PBX1: variants seen among roughly 807,000 people sequenced by gnomAD.
PBX1 encodes the protein PBX homeobox 1.
Under a neutral mutation model 53.4 loss-of-function variants are expected in PBX1, and 6 were observed. The observed-to-expected ratio is 0.11, with a 90% CI of 0.06 to 0.22. The LOEUF is 0.22. Among genes scored for constraint, PBX1 ranks in the 10% least tolerant of loss-of-function variants. The pLI, the probability that PBX1 is intolerant of heterozygous loss-of-function variation, is 1.00. For missense variants in PBX1, 251 were observed against 551.4 expected, an observed-to-expected ratio of 0.46 and a Z score of 5.46; for synonymous variants, 204 against 212.3, an observed-to-expected ratio of 0.96 and a Z score of 0.34.
rs74747780 is a variant in PBX1, at chr1:164,786,681, CTGTGTGTGTGTG to C, written c.266-5784_266-5773del. Reference sequence around the variant, plus strand: ...GGTGTGCCTTGGGCATCAGAAGAGACTGTGTGTGTGTGTGTGTGTGTGTGTGTGTGTGTGTGT... The same window carrying C: ...GGTGTGCCTTGGGCATCAGAAGAGACTGTGTGTGTGTGTGTGTGTGTGTGT... On this transcript the variant is annotated intron_variant, in intron 2 of 8. Coordinates refer to ENST00000420696, the MANE Select transcript of PBX1 (RefSeq NM_002585.4). Among the ~76,000 whole-genome samples, 856 of 140,586 alleles carry C rather than the reference CTGTGTGTGTGTG, an allele frequency of 6.1e-3. 5 individuals are homozygous for C. Among genetic ancestry groups the C allele is most frequent in the African/African-American group, 0.012 (465 of 37,690 alleles). The allele number at this position is 140,586 out of a possible 152,430, so 92.2% of individuals were successfully genotyped here.
At chr1:164,735,650 A>C (rs1434837773) in intron 2 of PBX1, among the ~76,000 whole-genome samples, 1 of 152,202 alleles carries the variant, frequency 6.6e-6, no homozygotes, top group Non-Finnish European at 1.5e-5. Flanking sequence ...ACTGATGACT[A>C]GAGAGACCCA....
At position 164,800,821 on chromosome 1, in the gene PBX1, C is replaced by T. The variant is rs566089094; in HGVS notation, c.701+932C>T. Among the ~76,000 whole-genome samples the T allele has an allele frequency of 8.5e-5, 13 of 152,072 alleles. No individual in the cohort carries two copies. In the South Asian group the frequency reaches 2.3e-3, roughly 27 times the overall value. The stretch of plus-strand genomic sequence containing the variant: ...CATATTTAAATTCTTGATAATAATC[C>T]CAATCTGTTATTTTTATCATTGGGA... On this transcript the variant is annotated intron_variant, in intron 4 of 8. Coordinates refer to ENST00000420696, the MANE Select transcript of PBX1 (RefSeq NM_002585.4).
Position 164,720,168 on chromosome 1 carries a change from G to T in PBX1, c.266-72326G>T, listed in dbSNP as rs1005152481. ...ACAGGTCCAAAACTGTGTTTTTATT[G>T]TAAAGACAGGGGAAACAATGAAAGA... On this transcript the variant is annotated intron_variant, in intron 2 of 8. Coordinates refer to ENST00000420696, the MANE Select transcript of PBX1 (RefSeq NM_002585.4). 2.6e-5 allele frequency among the ~76,000 whole-genome samples: 4 copies of T among 152,138 alleles called. No homozygotes were observed. In the East Asian group the frequency reaches 7.7e-4, roughly 29 times the overall value.
In PBX1 at chr1:164,866,468, G is replaced by C. The variant is rs547938525; in HGVS notation, n.258-32720G>C. 1.1e-4 allele frequency among the ~76,000 whole-genome samples: 16 copies of C among 152,354 alleles called. No individual in the cohort carries two copies. In the South Asian group the frequency reaches 3.3e-3, roughly 32 times the overall value. On this transcript the variant is annotated intron_variant and non_coding_transcript_variant, in intron 2 of 2. Coordinates refer to the PBX1 transcript ENST00000558796. ...AACATAGGACAGCAACAGACAAACT[G>C]TGACCCAAAGCCACTGTGCCAAGAA...
intron 2 of PBX1, among the ~76,000 whole-genome samples, chr1:164,862,106 A>G (rs1672114732): frequency 6.6e-6 from 1 of 152,230 alleles, no homozygotes; most frequent in South Asian, 2.1e-4. Flanking sequence ...AGTGCTGTGA[A>G]TAGACCACAG....
chr1:164,636,216 G>A (rs2101890897), intron 2 of PBX1, among the ~76,000 whole-genome samples: 1 of 151,904 alleles, frequency 6.6e-6, no homozygotes, highest in South Asian at 2.1e-4. Context: ...TGCACCTCAG[G>A]TCTACAGAGA....
intron 3 of PBX1, among the ~76,000 whole-genome samples, chr1:164,793,909 C>G (rs1553247247): frequency 9.0e-6 from 1 of 111,454 alleles, no homozygotes; most frequent in Non-Finnish European, 1.7e-5. Flanking sequence ...GGGTCTCACT[C>G]TGTCACCCAG....
chr1:164,708,957 G>A (rs1464571061), intron 2 of PBX1, among the ~76,000 whole-genome samples: 1 of 152,190 alleles, frequency 6.6e-6, no homozygotes, highest in Non-Finnish European at 1.5e-5. Context: ...ACCATGGTAG[G>A]TGCTGGGGAT....
chr1:164,607,084 C>G (rs1366686059), intron 2 of PBX1, among the ~76,000 whole-genome samples: 1 of 152,102 alleles, frequency 6.6e-6, no homozygotes, highest in Non-Finnish European at 1.5e-5. Context: ...ATCTGCAGGG[C>G]CATAACAGGA....
chr1:164,649,717 C>G (rs1034945226), intron 2 of PBX1, among the ~76,000 whole-genome samples: 1 of 152,176 alleles, frequency 6.6e-6, no homozygotes, highest in Non-Finnish European at 1.5e-5. Context: ...CATTCCACCC[C>G]CTGCCAGGGA....
At chr1:164,840,725 A>G (rs1671250113) in intron 8 of PBX1, among the ~76,000 whole-genome samples, 2 of 152,224 alleles carry the variant, frequency 1.3e-5, no homozygotes, top group Admixed American at 6.5e-5. Flanking sequence ...GGGATAAGCT[A>G]TGAAGCACCA....
intron 2 of PBX1, among the ~76,000 whole-genome samples, chr1:164,870,263 T>TTCCTTCCC (rs1672328417): frequency 6.5e-5 from 5 of 77,064 alleles, no homozygotes; most frequent in South Asian, 9.3e-4. Flanking sequence ...CCTTCCTTCC[T>TTCCTTCCC]TCCTTCTTTC....
chr1:164,594,334 G>A (rs1033784203), intron 2 of PBX1, among the ~76,000 whole-genome samples: 3 of 152,066 alleles, frequency 2.0e-5, no homozygotes, highest in Admixed American at 6.5e-5. Context: ...TGCTTTTGTC[G>A]ACCAGGCTCG....
At chr1:164,828,264 G>A (rs766300859) in intron 8 of PBX1, among the ~76,000 whole-genome samples, 1 of 151,722 alleles carries the variant, frequency 6.6e-6, no homozygotes, top group African/African-American at 2.4e-5. Flanking sequence ...GTGTGTGTTT[G>A]TGTATGCGTG....
rs565421099 is a variant in PBX1 at position 164,858,863 on chromosome 1, T to C, written n.257+27380T>C. On this transcript the variant is annotated intron_variant and non_coding_transcript_variant, in intron 2 of 2. Transcript: ENST00000558796. ...ACGCTGTTATTGAAGTTTGTCTTCA[T>C]ACGTGCCGTGTACTTTCTTTGAATC... Among the ~76,000 whole-genome samples the C allele has an allele frequency of 4.6e-5, 7 of 152,338 alleles. No individual in the cohort carries two copies. In the South Asian group the frequency reaches 8.3e-4, roughly 18 times the overall value.
intron 2 of PBX1, among the ~76,000 whole-genome samples, chr1:164,865,483 A>G (rs1214727482): frequency 5.9e-5 from 9 of 152,196 alleles, no homozygotes; most frequent in African/African-American, 2.2e-4. Flanking sequence ...GGTGCATAGT[A>G]GGCAGGAAAA....
intron 8 of PBX1, among the ~76,000 whole-genome samples, chr1:164,824,054 C>A (rs531488491): frequency 6.6e-6 from 1 of 152,194 alleles, no homozygotes; most frequent in East Asian, 1.9e-4. Context: ...AGCTTTGAGC[C>A]AAGAAATGAA....
chr1:164,843,577 G>A (rs1671413427), intron 8 of PBX1, among the ~76,000 whole-genome samples: 1 of 151,872 alleles, frequency 6.6e-6, no homozygotes, highest in Non-Finnish European at 1.5e-5. Context: ...GGGAGTGAAA[G>A]AGGTTTTGTT....
chr1:164,768,742 A>G (rs576242161), intron 2 of PBX1, among the ~76,000 whole-genome samples: 2 of 152,220 alleles, frequency 1.3e-5, no homozygotes, highest in African/African-American at 2.4e-5. Context: ...AATGTTGTCA[A>G]CCTACTTGTG....
Sources: allele counts gnomAD v4.1 joint callset (sites outside exome capture counted in the v4.1 genomes callset), GRCh38; gene constraint gnomAD v4.1.1; transcripts MANE v1.5; gene names NCBI Gene and HGNC (gene_info 2026-07-23, HGNC 2026-07-21).